Variants in ARAP2 observed in about 807,000 individuals in gnomAD.
The protein encoded by ARAP2 is arf-GAP with Rho-GAP domain, ANK repeat and PH domain-containing protein 2.
A neutral mutation model predicts 194.5 loss-of-function variants in ARAP2; 148 were observed. The ratio of observed to expected loss-of-function variants is 0.76; its 90% confidence interval spans 0.67 to 0.87. The LOEUF is 0.87. ARAP2 is among the 40% of genes least tolerant of loss of function. ARAP2 has a pLI of 0.00. For synonymous variants in ARAP2, 695 were observed against 683.5 expected, an observed-to-expected ratio of 1.02 and a Z score of -0.26; for missense variants, 2,128 against 1,989.7, an observed-to-expected ratio of 1.07 and a Z score of -1.32.
intron 30 of ARAP2, 120 bp downstream of exon 30, chr4:36,082,131 C>A: frequency 1.1e-6 from 1 of 915,428 alleles, no homozygotes; most frequent in Non-Finnish European, 1.7e-6. Flanking sequence ...ACAAACAACC[C>A]TAATTTCACT....
chr4:36,136,816 T>TGTGTGTGTGTGTGTGC (rs796925392), intron 19 of ARAP2, among the ~76,000 whole-genome samples: 1 of 145,170 alleles, frequency 6.9e-6, no homozygotes, highest in African/African-American at 2.6e-5. Flanking sequence ...TGTGTGTGTG[T>TGTGTGTGTGTGTGTGC]GTGCGTGTCT....
At chr4:36,241,011 G>T (rs1578397171) in intron 1 of ARAP2, among the ~76,000 whole-genome samples, 3 of 152,094 alleles carry the variant, frequency 2.0e-5, no homozygotes. Context: ...CTTTCAAGCT[G>T]TCCATCCAGA....
chr4:36,083,296 A>T (rs1253617414), intron 29 of ARAP2, 72 bp downstream of exon 29: 12 of 1,094,330 alleles, frequency 1.1e-5, no homozygotes, highest in Non-Finnish European at 1.5e-5. Context: ...AATGCCACTG[A>T]TCCCTAAATC....
At chr4:36,155,346 G>A (rs1732002896) in intron 15 of ARAP2, among the ~76,000 whole-genome samples, 1 of 152,184 alleles carries the variant, frequency 6.6e-6, no homozygotes, top group East Asian at 1.9e-4. Flanking sequence ...AAAGAGAAGG[G>A]CTGGCAGTGG....
intron 29 of ARAP2, among the ~76,000 whole-genome samples, chr4:36,083,030 C>T (rs1729944647): frequency 6.6e-6 from 1 of 152,002 alleles, no homozygotes; most frequent in African/African-American, 2.4e-5. Context: ...CCTGAGATGC[C>T]CTCAGGTTGT....
chr4:36,182,419 C>T (rs1427240838), intron 8 of ARAP2, among the ~76,000 whole-genome samples: 1 of 152,050 alleles, frequency 6.6e-6, no homozygotes, highest in East Asian at 1.9e-4. Context: ...TTGCTTGAAC[C>T]AGGGAGGTGG....
intron 9 of ARAP2, among the ~76,000 whole-genome samples, chr4:36,176,159 C>T (rs961930731): frequency 5.9e-5 from 9 of 152,200 alleles, no homozygotes; most frequent in Admixed American, 1.3e-4. Flanking sequence ...TATACTGTTC[C>T]GGTTTTAAAC....
At chr4:36,139,270 G>T (rs1224588529) in intron 19 of ARAP2, among the ~76,000 whole-genome samples, 1 of 151,546 alleles carries the variant, frequency 6.6e-6, no homozygotes, top group Non-Finnish European at 1.5e-5. Flanking sequence ...GCATTTGAGA[G>T]AATTTTTTGA....
intron 27 of ARAP2, among the ~76,000 whole-genome samples, chr4:36,106,884 C>A (rs185732782): frequency 8.4e-4 from 127 of 151,954 alleles, no homozygotes; most frequent in Non-Finnish European, 1.6e-3. Flanking sequence ...AAATTTCAAT[C>A]CTTAGCTTAT....
chr4:36,102,499 G>C (rs768628327), intron 27 of ARAP2, among the ~76,000 whole-genome samples: 11 of 151,932 alleles, frequency 7.2e-5, no homozygotes, highest in Non-Finnish European at 1.3e-4. Context: ...TGTACTTTTA[G>C]TGAGTAAGAG....
chr4:36,113,225 G>A (rs555757277), intron 26 of ARAP2, among the ~76,000 whole-genome samples: 12 of 152,038 alleles, frequency 7.9e-5, no homozygotes, highest in South Asian at 2.1e-4. Context: ...TTCTGTGCAC[G>A]AGGAGGATTG....
At chr4:36,166,717 A>T (rs567225194) in intron 10 of ARAP2, among the ~76,000 whole-genome samples, 9 of 152,130 alleles carry the variant, frequency 5.9e-5, no homozygotes, top group African/African-American at 1.9e-4. Flanking sequence ...AATTACTCAA[A>T]TTTCATGAAA....
At chr4:36,026,535 C>T (rs1577578016) in intron 5 of ARAP2, among the ~76,000 whole-genome samples, 1 of 152,228 alleles carries the variant, frequency 6.6e-6, no homozygotes, top group East Asian at 1.9e-4. Context: ...GGCCTGAATC[C>T]AAGGATCCTC....
intron 7 of ARAP2, among the ~76,000 whole-genome samples, chr4:36,191,175 T>C (rs185157614): frequency 8.4e-4 from 128 of 152,290 alleles, no homozygotes; most frequent in Non-Finnish European, 3.8e-4. Flanking sequence ...GCATAAGAAT[T>C]AGAGGAACTT....
chr4:36,180,771 C>T (rs1367355387), intron 8 of ARAP2, among the ~76,000 whole-genome samples: 3 of 152,188 alleles, frequency 2.0e-5, no homozygotes, highest in African/African-American at 7.2e-5. Context: ...TTGGCTGCAT[C>T]TCAACACATA....
chr4:36,024,443 A>G (rs903867193), intron 5 of ARAP2, among the ~76,000 whole-genome samples: 1 of 152,160 alleles, frequency 6.6e-6, no homozygotes, highest in Non-Finnish European at 1.5e-5. Context: ...TTCCACAAAC[A>G]ATGCTAGGTA....
At chr4:36,117,373 C>T (rs1334714810) in intron 24 of ARAP2, among the ~76,000 whole-genome samples, 1 of 151,666 alleles carries the variant, frequency 6.6e-6, no homozygotes, top group Admixed American at 6.6e-5. Context: ...TTTTTTATCT[C>T]TTACTCAGGA....
At chr4:36,023,571 A>G (rs1333382762) in intron 5 of ARAP2, among the ~76,000 whole-genome samples, 1 of 152,146 alleles carries the variant, frequency 6.6e-6, no homozygotes, top group East Asian at 1.9e-4. Context: ...GATGTCAACC[A>G]AATGTTTGCT....
chr4:36,030,797 G>GTT lies in ARAP2; in HGVS notation n.608-11513_608-11512dup, dbSNP rs34777330. Among the ~76,000 whole-genome samples the GTT allele has an allele frequency of 1.1e-3, 18 of 16,072 alleles. 1 individual carries two copies. The highest frequency in any genetic ancestry group is 1.6e-3 in the Non-Finnish European group (6 of 3,660). 10.5% of individuals were successfully genotyped at this position (16,072 alleles called of 152,430 possible). A position where few individuals can be genotyped will look rare whatever the true frequency, so the allele number is the denominator to read the frequency against. On this transcript the variant is annotated intron_variant and non_coding_transcript_variant, in intron 5 of 12. Transcript: ENST00000503225. ...TCAACTCTTGTTTGACATTGTCTAC[G>GTT]TTTTTTTTTTTTTTTTTTTTGGTAC...
Sources: allele counts gnomAD v4.1 joint callset (sites outside exome capture counted in the v4.1 genomes callset), GRCh38; gene constraint gnomAD v4.1.1; transcripts MANE v1.5; gene names NCBI Gene and HGNC (gene_info 2026-07-23, HGNC 2026-07-21).